NCALD: variants seen among roughly 807,000 people sequenced by gnomAD.
NCALD encodes the protein neurocalcin-delta.
A neutral mutation model predicts 18.6 loss-of-function variants in NCALD; 10 were observed. The ratio of observed to expected loss-of-function variants is 0.54; its 90% CI spans 0.33 to 0.91. NCALD has a LOEUF of 0.91. Among genes scored for constraint, NCALD ranks in the 40% least tolerant of loss-of-function variants. NCALD has a pLI of 0.03. For synonymous variants in NCALD, 88 were observed against 87.4 expected, an observed-to-expected ratio of 1.01 and a Z score of -0.04; for missense variants, 184 against 247.6, an observed-to-expected ratio of 0.74 and a Z score of 1.72.
chr8:101,972,810 C>A (rs1326385729), intron 2 of NCALD, among the ~76,000 whole-genome samples: 2 of 152,316 alleles, frequency 1.3e-5, no homozygotes, highest in Middle Eastern at 6.8e-3. Flanking sequence ...CTGTCCTGAG[C>A]TAGGCCACAC....
chr8:102,004,498 A>G (rs1194259023), intron 2 of NCALD, among the ~76,000 whole-genome samples: 2 of 152,172 alleles, frequency 1.3e-5, no homozygotes, highest in Non-Finnish European at 2.9e-5. Context: ...CAAGCTACCA[A>G]TGACTTTCTT....
rs772189276 is a variant in NCALD at position 101,803,822 on chromosome 8, T to C, written c.-20+83319A>G. Among the ~76,000 whole-genome samples the C allele has an allele frequency of 1.6e-4, 24 of 152,226 alleles. 1 individual carries two copies. Among genetic ancestry groups the C allele is most frequent in the Non-Finnish European group, 2.9e-4 (20 of 68,022 alleles). ...TGCTGTGAATGTTGTTGAATGACAA[T>C]AAAAGATTCAGAATATTACATAAAG... On this transcript the variant is annotated intron_variant, in intron 4 of 6. Coordinates refer to the NCALD transcript ENST00000311028.
At chr8:102,040,585 C>T (rs1315969463) in intron 1 of NCALD, among the ~76,000 whole-genome samples, 1 of 152,180 alleles carries the variant, frequency 6.6e-6, no homozygotes, top group Admixed American at 6.5e-5. Flanking sequence ...AGAACACCCA[C>T]TCAGCCTCTA....
chr8:101,851,200 T>G (rs1563826375), intron 4 of NCALD, among the ~76,000 whole-genome samples: 1 of 152,110 alleles, frequency 6.6e-6, no homozygotes, highest in African/African-American at 2.4e-5. Flanking sequence ...AACTAGATTA[T>G]AAGACAAATC....
intron 1 of NCALD, among the ~76,000 whole-genome samples, chr8:101,740,032 T>G (rs1236940369): frequency 6.6e-6 from 1 of 152,252 alleles, no homozygotes; most frequent in Non-Finnish European, 1.5e-5. Flanking sequence ...AAGTAACAGT[T>G]GCTTAATAAA....
intron 2 of NCALD, among the ~76,000 whole-genome samples, chr8:101,982,293 A>G (rs1013022381): frequency 6.6e-6 from 1 of 152,210 alleles, no homozygotes; most frequent in Non-Finnish European, 1.5e-5. Context: ...AGCTTAAGAC[A>G]CTGCTTTTAA....
chr8:102,036,113 G>T (rs1822852405), intron 1 of NCALD, among the ~76,000 whole-genome samples: 1 of 129,368 alleles, frequency 7.7e-6, no homozygotes, highest in East Asian at 2.1e-4. Context: ...ACATAACAAG[G>T]CCCATCTCTA....
intron 4 of NCALD, among the ~76,000 whole-genome samples, chr8:101,803,475 A>T (rs1017625205): frequency 1.3e-5 from 2 of 152,220 alleles, no homozygotes; most frequent in African/African-American, 4.8e-5. Context: ...ATGGATCAAG[A>T]AGTAATTTCA....
chr8:101,806,750 C>A (rs1306730036), intron 4 of NCALD, among the ~76,000 whole-genome samples: 2 of 152,036 alleles, frequency 1.3e-5, no homozygotes, highest in Non-Finnish European at 2.9e-5. Flanking sequence ...AAAACACATG[C>A]ACCTATGCAC....
intron 1 of NCALD, among the ~76,000 whole-genome samples, chr8:102,079,627 T>C (rs146461126): frequency 6.6e-6 from 1 of 152,358 alleles, no homozygotes; most frequent in East Asian, 1.9e-4. Flanking sequence ...AGTGTCAATG[T>C]GCATTTCTTT....
At chr8:101,693,108 G>A in intron 2 of NCALD, 1 of 449,588 alleles carries the variant, frequency 2.2e-6, no homozygotes, top group South Asian at 2.3e-5. Flanking sequence ...CCTTCAGGAG[G>A]GACAACCAGC....
At chr8:101,785,313 A>G (rs1349513909) in intron 1 of NCALD, among the ~76,000 whole-genome samples, 1 of 152,214 alleles carries the variant, frequency 6.6e-6, no homozygotes, top group African/African-American at 2.4e-5. Context: ...TAGAAGATTA[A>G]TAACAGCAGT....
intron 2 of NCALD, among the ~76,000 whole-genome samples, chr8:101,965,524 A>G (rs1396922387): frequency 1.3e-5 from 2 of 152,226 alleles, no homozygotes; most frequent in Non-Finnish European, 2.9e-5. Flanking sequence ...ACAGAAAAGC[A>G]AACACCACAT....
chr8:102,046,497 GTATTTT>G (rs1823245087), intron 1 of NCALD, among the ~76,000 whole-genome samples: 1 of 151,958 alleles, frequency 6.6e-6, no homozygotes, highest in Non-Finnish European at 1.5e-5. Context: ...CTCACAATCA[GTATTTT>G]TATTTTTATT....
At chr8:101,977,996 G>A (rs879587580) in intron 2 of NCALD, among the ~76,000 whole-genome samples, 29 of 150,924 alleles carry the variant, frequency 1.9e-4, no homozygotes, top group African/African-American at 2.9e-4. Context: ...CCTTCTCTCC[G>A]CCCTCAGTGC....
chr8:101,835,196 T>C (rs974852445), intron 4 of NCALD, among the ~76,000 whole-genome samples: 1 of 152,254 alleles, frequency 6.6e-6, no homozygotes, highest in Non-Finnish European at 1.5e-5. Flanking sequence ...AACATTTCCA[T>C]AGCTTCACAG....
At chr8:101,821,422 T>C (rs991269983) in intron 4 of NCALD, among the ~76,000 whole-genome samples, 1 of 152,216 alleles carries the variant, frequency 6.6e-6, no homozygotes, top group Non-Finnish European at 1.5e-5. Flanking sequence ...GAAGAGATTA[T>C]AGAAAAAGTA....
chr8:101,864,921 C>A (rs1370623817), intron 4 of NCALD, among the ~76,000 whole-genome samples: 1 of 152,120 alleles, frequency 6.6e-6, no homozygotes, highest in African/African-American at 2.4e-5. Flanking sequence ...TCTAGAAGGA[C>A]AAAGAGTACT....
At chr8:101,850,379 G>A (rs1051622129) in intron 4 of NCALD, among the ~76,000 whole-genome samples, 4 of 152,120 alleles carry the variant, frequency 2.6e-5, no homozygotes, top group Non-Finnish European at 5.9e-5. Context: ...TTTATTTTCT[G>A]TAAGTAAATG....
Sources: gnomAD v4.1 joint callset for allele counts (sites outside exome capture counted in the v4.1 genomes callset) on GRCh38, gnomAD v4.1.1 for gene constraint, MANE v1.5 for transcripts, NCBI Gene and HGNC (gene_info 2026-07-23, HGNC 2026-07-21) for gene names.